Variants in PTCD3 observed in about 807,000 individuals in gnomAD.
The protein encoded by PTCD3 is pentatricopeptide repeat domain 3, also known as small ribosomal subunit protein mS39.
A neutral mutation model predicts 101.9 loss-of-function variants in PTCD3; 89 were observed. The observed-to-expected ratio is 0.87, with a 90% CI of 0.74 to 1.04. The LOEUF (loss-of-function observed/expected upper bound fraction) is 1.04. Ranked by LOEUF, PTCD3 falls within the 50% of genes least tolerant of loss-of-function variation. The pLI is 0.00. For synonymous variants in PTCD3, 296 were observed against 278.5 expected, an observed-to-expected ratio of 1.06 and a Z score of -0.63; for missense variants, 870 against 828.2, an observed-to-expected ratio of 1.05 and a Z score of -0.62.
intron 4 of PTCD3, among the ~76,000 whole-genome samples, chr2:86,115,236 T>C (rs2104450167): frequency 6.6e-6 from 1 of 152,322 alleles, no homozygotes; most frequent in Non-Finnish European, 1.5e-5. Flanking sequence ...GTTAACTCTT[T>C]TCTGCAAAAT....
At chr2:86,132,280 G>C (rs1674506855) in intron 16 of PTCD3, 38 bp from the exon 17 acceptor site, 1 of 1,253,976 alleles carries the variant, frequency 8.0e-7, no homozygotes, top group South Asian at 1.3e-5. Flanking sequence ...CTGGCTGACA[G>C]GGTATCAGAG....
chr2:86,132,540 T>C (rs1674511885), intron 17 of PTCD3, 116 bp downstream of exon 17: 1 of 660,772 alleles, frequency 1.5e-6, no homozygotes, highest in East Asian at 2.8e-5. Context: ...AATGATCTAA[T>C]AGGACATGTT....
At chr2:86,120,924 G>C (rs1187377553) in intron 7 of PTCD3, among the ~76,000 whole-genome samples, 1 of 152,164 alleles carries the variant, frequency 6.6e-6, no homozygotes, top group African/African-American at 2.4e-5. Flanking sequence ...TTTCTTATAA[G>C]ATAGCAGATT....
At position 86,118,986 on chromosome 2, in the gene PTCD3, A is replaced by G. The variant is rs1674231877; in HGVS notation, c.480A>G (p.Arg160=). 2 of 1,614,164 alleles carry G rather than the reference A, an allele frequency of 1.2e-6. No individual in the cohort carries two copies. Among genetic ancestry groups the G allele is most frequent in the Admixed American group, 1.7e-5 (1 of 60,016 alleles). ...KDISEAALKE[R]IELRKVKASV... Reference sequence around the variant, plus strand: ...TAAGTGAAGCCGCCCTGAAGGAACGAATTGAGCTCAGAAAAGTCAAAGCCT... The same window carrying G: ...TAAGTGAAGCCGCCCTGAAGGAACGGATTGAGCTCAGAAAAGTCAAAGCCT... Residue 160 remains arginine, a synonymous_variant, in exon 7 of 24, where the codon CGA becomes CGG. Transcript: ENST00000254630.
At chr2:86,136,714 C>A in intron 22 of PTCD3, 152 bp downstream of exon 22, 1 of 946,454 alleles carries the variant, frequency 1.1e-6, no homozygotes, top group Non-Finnish European at 1.6e-6. Flanking sequence ...CTGAGGCAAG[C>A]AGTTTTTTAT....
rs1834163 is a variant in PTCD3, at chr2:86,131,336, C to T, written c.1266+230C>T. Among the ~76,000 whole-genome samples the T allele has an allele frequency of 0.72, 108,750 of 151,802 alleles. 41,587 individuals carry two copies. Among genetic ancestry groups the T allele is most frequent in the Non-Finnish European group, 0.84 (57,376 of 67,958 alleles). On this transcript the variant is annotated intron_variant, in intron 16 of 23. Coordinates refer to ENST00000254630, the MANE Select transcript of PTCD3 (RefSeq NM_017952.6). ...GCAACCTCTGCCTCCTGGGTTCAAG[C>T]GATTCTCCTGCCTCAGCCTCCCGAA...
intron 22 of PTCD3, 86 bp from the exon 23 acceptor site, chr2:86,136,896 C>G: frequency 6.8e-7 from 1 of 1,480,054 alleles, no homozygotes; most frequent in East Asian, 2.3e-5. Flanking sequence ...GTTGGGAATT[C>G]TGTTACTGAA....
At chr2:86,119,209 A>T in intron 7 of PTCD3, 165 bp downstream of exon 7, 1 of 914,056 alleles carries the variant, frequency 1.1e-6, no homozygotes, top group Non-Finnish European at 1.6e-6. Flanking sequence ...TTTTAGCTTT[A>T]GTGTTACTTA....
chr2:86,115,990 C>G (rs911203257), intron 4 of PTCD3, among the ~76,000 whole-genome samples: 4 of 152,188 alleles, frequency 2.6e-5, no homozygotes, highest in South Asian at 4.2e-4. Flanking sequence ...AAAACAGTCC[C>G]CAGTGGTAGC....
intron 4 of PTCD3, among the ~76,000 whole-genome samples, chr2:86,112,681 CAAAAAAAA>C (rs397953846): frequency 1.2e-5 from 1 of 81,310 alleles, no homozygotes; most frequent in Admixed American, 1.3e-4. Flanking sequence ...GACTCTGTCT[CAAAAAAAA>C]AAAAAAAAAA....
Position 86,137,901 on chromosome 2 carries a change from GC to G in PTCD3, c.*345del. 4.1e-6 allele frequency: 1 copy of G among 242,294 alleles called. No individual in the cohort carries two copies. 15.0% of individuals were successfully genotyped at this position (242,294 alleles called of 1,614,324 possible). ...CTCACGATGCTGTCCTCGTGCGATTGCCCTCTCCTGCTGCTGGACTTCTGCC... is the reference window on the plus strand; with the variant it reads ...CTCACGATGCTGTCCTCGTGCGATTGCCTCTCCTGCTGCTGGACTTCTGCC... On this transcript the variant is annotated 3_prime_UTR_variant, in exon 24 of 24. Coordinates refer to ENST00000254630, the MANE Select transcript of PTCD3 (RefSeq NM_017952.6).
At chr2:86,126,080 A>G (rs1372741547) in intron 12 of PTCD3, among the ~76,000 whole-genome samples, 200 bp downstream of exon 12, 1 of 152,000 alleles carries the variant, frequency 6.6e-6, no homozygotes, top group African/African-American at 2.4e-5. Flanking sequence ...AGTACAAACA[A>G]TTAGCTGGGC....
In PTCD3 at chr2:86,126,245, A is replaced by G. The variant is rs901885971; in HGVS notation, c.951+365A>G. 1.2e-4 allele frequency among the ~76,000 whole-genome samples: 17 copies of G among 138,858 alleles called. 1 individual carries two copies. Among genetic ancestry groups the G allele is most frequent in the East Asian group, 2.0e-4 (1 of 4,988 alleles). The allele number at this position is 138,858 out of a possible 152,430, so 91.1% of individuals were successfully genotyped here. Reference sequence around the variant, plus strand: ...ACTCCGTCTCAAAAAAAAAAAAAAGAAAAAGAAACAGAAGTACATGGGCTG... The same window carrying G: ...ACTCCGTCTCAAAAAAAAAAAAAAGGAAAAGAAACAGAAGTACATGGGCTG... On this transcript the variant is annotated intron_variant, in intron 12 of 23. Transcript: ENST00000254630.
chr2:86,125,630 G>A (rs773050785), intron 11 of PTCD3, 115 bp downstream of exon 11: 52 of 1,179,818 alleles, frequency 4.4e-5, no homozygotes, highest in Admixed American at 7.9e-5. Flanking sequence ...TTCCTGAGGC[G>A]TAGATGATTG....
At chr2:86,129,665 A>G (rs763029552) in intron 14 of PTCD3, among the ~76,000 whole-genome samples, 4 of 152,162 alleles carry the variant, frequency 2.6e-5, no homozygotes, top group Non-Finnish European at 4.4e-5. Context: ...ATTTCTAGGA[A>G]TTTACCCAAA....
At chr2:86,126,229 CAA>C (rs71377064) in intron 12 of PTCD3, among the ~76,000 whole-genome samples, 2 of 59,130 alleles carry the variant, frequency 3.4e-5, no homozygotes, top group Admixed American at 2.1e-4. Flanking sequence ...GACTCCGTCT[CAA>C]AAAAAAAAAA....
At chr2:86,125,902 AT>A in intron 12 of PTCD3, 22 bp downstream of exon 12, 1 of 1,498,224 alleles carries the variant, frequency 6.7e-7, no homozygotes, top group Non-Finnish European at 9.3e-7. Flanking sequence ...TCCTCAGTTT[AT>A]TTTTTAATAG....
At chr2:86,107,997 A>T (rs1225523646) in intron 1 of PTCD3, among the ~76,000 whole-genome samples, 1 of 152,140 alleles carries the variant, frequency 6.6e-6, no homozygotes, top group Non-Finnish European at 1.5e-5. Flanking sequence ...ATGGTGGCAT[A>T]TGCCTGTAGT....
chr2:86,125,890 A>C lies in PTCD3; in HGVS notation c.951+10A>C. 3 of 1,558,940 alleles carry C rather than the reference A, an allele frequency of 1.9e-6. No homozygotes were observed. The highest frequency in any genetic ancestry group is 2.7e-6 in the Non-Finnish European group (3 of 1,131,358). ...ATGGAGTAAAATACTGGTAAGGAGG[A>C]ATCCTCAGTTTATTTTTTAATAGGG... is the stretch of plus-strand genomic sequence containing the variant. On this transcript the variant is annotated intron_variant, in intron 12 of 23. Transcript: ENST00000254630.
Sources: gnomAD v4.1 joint callset for allele counts (sites outside exome capture counted in the v4.1 genomes callset) on GRCh38, gnomAD v4.1.1 for gene constraint, MANE v1.5 for transcripts, NCBI Gene and HGNC (gene_info 2026-07-23, HGNC 2026-07-21) for gene names.